The following CKAP2L variants were observed in gnomAD, a reference collection of about 807,000 sequenced individuals.
CKAP2L encodes cytoskeleton-associated protein 2-like.
In CKAP2L, 42 loss-of-function variants were observed where a neutral mutation model predicts 65.7. That is an observed-to-expected ratio of 0.64 (90% CI 0.50 to 0.83). CKAP2L has a LOEUF of 0.83. Among genes scored for constraint, CKAP2L ranks in the 40% least tolerant of loss-of-function variants. The probability of loss-of-function intolerance (pLI) is 0.00; values close to 1 mark genes in which losing one functional copy is unlikely to be tolerated. For missense variants in CKAP2L, 908 were observed against 871.0 expected, an observed-to-expected ratio of 1.04 and a Z score of -0.53; for synonymous variants, 325 against 313.5, an observed-to-expected ratio of 1.04 and a Z score of -0.39.
chr2:112,756,380 T>C lies in CKAP2L; in HGVS notation c.991A>G (p.Thr331Ala). The change falls in exon 4 of 9, where the codon ACC becomes GCC. Residue 331 changes from threonine (T) to alanine (A), a missense_variant. Transcript: ENST00000302450. ...YPVTEQRVKH[T>A]KPRTYPSLLQ... ...AAACTGGGGTATGTTCTGGGTTTGG[T>C]GTGCTTCACTCTCTGTTCAGTAACA... 1 of 1,613,994 alleles carries C rather than the reference T, an allele frequency of 6.2e-7. No individual in the cohort carries two copies. The highest frequency in any genetic ancestry group is 2.2e-5 in the East Asian group (1 of 44,890).
chr2:112,761,710 T>TG (rs1200682425), intron 2 of CKAP2L, among the ~76,000 whole-genome samples: 1 of 152,206 alleles, frequency 6.6e-6, no homozygotes, highest in East Asian at 1.9e-4. Context: ...GTTTGATGTT[T>TG]GTCTCTCCCA....
At chr2:112,750,304 C>A (rs180702706) in intron 5 of CKAP2L, among the ~76,000 whole-genome samples, 15 of 152,344 alleles carry the variant, frequency 9.8e-5, no homozygotes, top group African/African-American at 3.6e-4. Flanking sequence ...TGCACACAGG[C>A]TTACCGCGTG....
chr2:112,741,006 C>A lies in CKAP2L; in HGVS notation c.1824G>T (p.Gly608=). 6.2e-7 allele frequency: 1 copy of A among 1,601,742 alleles called. No homozygotes were observed. The highest frequency in any genetic ancestry group is 8.5e-7 in the Non-Finnish European group (1 of 1,169,778). ...CAGCAACTAAAGAGTCAGAAGTAAT[C>A]CCTGTGTATGTAAGATCATGAAGGA... is the stretch of plus-strand genomic sequence containing the variant. ...ILQDSNRTTE[G]ITSDSLVAET... The change falls in exon 8 of 9, where the codon GGG becomes GGT. Residue 608 remains glycine (G), a splice_region_variant and synonymous_variant. Coordinates refer to ENST00000302450, the MANE Select transcript of CKAP2L (RefSeq NM_152515.5).
intron 2 of CKAP2L, 63 bp from the exon 3 acceptor site, chr2:112,760,827 T>A (rs1322622305): frequency 1.2e-6 from 1 of 820,932 alleles, no homozygotes; most frequent in Non-Finnish European, 2.0e-6. Flanking sequence ...GCTTGGGAAG[T>A]ACAGTGATTA....
rs372791577 is a variant in CKAP2L at position 112,756,851 on chromosome 2, C to T, written c.520G>A (p.Glu174Lys). 7.5e-6 allele frequency: 12 copies of T among 1,602,910 alleles called. No individual in the cohort carries two copies. The highest frequency in any genetic ancestry group is 3.3e-4 in the Middle Eastern group (2 of 6,016). Residue 174 changes from glutamate (E) to lysine (K), a missense_variant, in exon 4 of 9, where the codon GAA (glutamate) becomes AAA (lysine). Physicochemically the swap from Glu to Lys is moderately conservative, Grantham distance 56. Transcript: ENST00000302450. ...TCTTTTAGAAAGTTATCCAAAGATTCGTTTTCAACATGGATATTATTCATA... is the reference window on the plus strand; with the variant it reads ...TCTTTTAGAAAGTTATCCAAAGATTTGTTTTCAACATGGATATTATTCATA... Reference protein sequence around the residue: ...DFMNNIHVENESLDNFLKETN... With the variant: ...DFMNNIHVENKSLDNFLKETN...
At chr2:112,745,112 C>A (rs1309691423) in intron 6 of CKAP2L, among the ~76,000 whole-genome samples, 1 of 152,038 alleles carries the variant, frequency 6.6e-6, no homozygotes. Flanking sequence ...GTGAAGACGG[C>A]AGTAAAAAGT....
intron 1 of CKAP2L, 25 bp from the exon 2 acceptor site, chr2:112,762,594 C>T (rs376256499): frequency 1.1e-5 from 18 of 1,588,184 alleles, no homozygotes; most frequent in East Asian, 2.2e-5. Flanking sequence ...AGCAAACAAA[C>T]GACATAACTT....
At chr2:112,744,912 T>C (rs1036268959) in intron 6 of CKAP2L, among the ~76,000 whole-genome samples, 4 of 151,640 alleles carry the variant, frequency 2.6e-5, no homozygotes, top group African/African-American at 4.9e-5. Flanking sequence ...TAAAGAATAA[T>C]AGAGAACAAA....
In CKAP2L at chr2:112,757,116, A is replaced by G. The variant is rs370922282; in HGVS notation, c.255T>C (p.Thr85=). Residue 85 remains threonine (T), a synonymous_variant, in exon 4 of 9, where the codon ACT becomes ACC. Transcript: ENST00000302450. The stretch of plus-strand genomic sequence containing the variant: ...CCAACTTCGGCTTCTGGGACCCTGC[A>G]GTATTAGGTGGTCTGGGCTGGAGTT... ...SIKLQPRPPN[T]AGSQKPKLEP... The G allele has an allele frequency of 9.4e-5, 151 of 1,614,034 alleles. No individual in the cohort carries two copies. The highest frequency in any genetic ancestry group is 1.3e-4 in the Non-Finnish European group (149 of 1,180,018).
At chr2:112,740,778 T>TCTAGTCC in intron 8 of CKAP2L, 40 bp downstream of exon 8, 1 of 1,513,840 alleles carries the variant, frequency 6.6e-7, no homozygotes, top group South Asian at 1.2e-5. Flanking sequence ...GGACTAGAAT[T>TCTAGTCC]AAGTCTGTGA....
At position 112,737,419 on chromosome 2, in the gene CKAP2L, T is replaced by A. The variant is rs957376016; in HGVS notation, c.*1404A>T. 1 of 152,244 alleles carries A rather than the reference T, an allele frequency of 6.6e-6. No individual in the cohort carries two copies. Among genetic ancestry groups the A allele is most frequent in the Admixed American group, 6.5e-5 (1 of 15,276 alleles). 9.4% of individuals were successfully genotyped at this position (152,244 alleles called of 1,614,324 possible). A position where few individuals can be genotyped will look rare whatever the true frequency, so the allele number is the denominator to read the frequency against. On this transcript the variant is annotated 3_prime_UTR_variant, in exon 9 of 9. Transcript: ENST00000302450. ...CATGTCTTGTTAATAGCCATTCTTA[T>A]AGATGTGAGGTGATAGCTCACAGTG...
In CKAP2L at chr2:112,737,891, T is replaced by C. The variant is rs1273902101; in HGVS notation, c.*932A>G. The stretch of plus-strand genomic sequence containing the variant: ...GCAGGAACTAATAGAAATTTAATGT[T>C]GTTTTAAGATAATACTTAAATATTA... On this transcript the variant is annotated 3_prime_UTR_variant, in exon 9 of 9. Transcript: ENST00000302450. 1 of 152,232 alleles carries C rather than the reference T, an allele frequency of 6.6e-6. No homozygotes were observed. The highest frequency in any genetic ancestry group is 1.5e-5 in the Non-Finnish European group (1 of 68,034). 9.4% of individuals were successfully genotyped at this position (152,232 alleles called of 1,614,324 possible). A position where few individuals can be genotyped will look rare whatever the true frequency, so the allele number is the denominator to read the frequency against.
In CKAP2L at chr2:112,760,726, G is replaced by T; in HGVS notation, c.143C>A (p.Pro48Gln). 6.7e-7 allele frequency: 1 copy of T among 1,494,656 alleles called. No individual in the cohort carries two copies. Among genetic ancestry groups the T allele is most frequent in the Non-Finnish European group, 9.2e-7 (1 of 1,085,696 alleles). The allele number at this position is 1,494,656 out of a possible 1,614,324, so 92.6% of individuals were successfully genotyped here. ...ATTTCTACTTACAGATTTAGAAGGT[G>T]GTTGATTCTGGCAATTATTCTTGGA... ...LKSKNNCQNQ[P>Q]PSKSTIRPKN... Residue 48 changes from proline (P) to glutamine (Q), a missense_variant, in exon 3 of 9, where the codon CCA becomes CAA. By Grantham distance (76) the Pro-to-Gln change is moderately conservative (BLOSUM62 -1). Transcript: ENST00000302450.
chr2:112,742,825 G>T (rs1680061021), intron 6 of CKAP2L, 56 bp from the exon 7 acceptor site: 30 of 1,265,590 alleles, frequency 2.4e-5, no homozygotes, highest in Non-Finnish European at 3.2e-5. Flanking sequence ...CAAAAAATTT[G>T]CTAAGGAACT....
In CKAP2L at chr2:112,738,431, T is replaced by A. The variant is rs561144935; in HGVS notation, c.*392A>T. The A allele has an allele frequency of 5.4e-6, 1 of 184,350 alleles. No homozygotes were observed. The highest frequency in any genetic ancestry group is 1.1e-5 in the Non-Finnish European group (1 of 88,006). 11.4% of individuals were successfully genotyped at this position (184,350 alleles called of 1,614,324 possible). A position where few individuals can be genotyped will look rare whatever the true frequency, so the allele number is the denominator to read the frequency against. On this transcript the variant is annotated 3_prime_UTR_variant, in exon 9 of 9. Coordinates refer to ENST00000302450, the MANE Select transcript of CKAP2L (RefSeq NM_152515.5). ...TGTCAAGCTAGCGTCAAAGTTCAGA[T>A]CTTCCACGATGAAAGAACTTGCCCT... is the stretch of plus-strand genomic sequence containing the variant.
At chr2:112,753,302 C>T (rs536491991) in intron 4 of CKAP2L, among the ~76,000 whole-genome samples, 2 of 152,234 alleles carry the variant, frequency 1.3e-5, no homozygotes, top group South Asian at 4.1e-4. Flanking sequence ...TATTGATTTT[C>T]ATCTCTGCAT....
intron 4 of CKAP2L, among the ~76,000 whole-genome samples, chr2:112,754,365 C>A (rs1052116773): frequency 6.6e-5 from 10 of 152,148 alleles, no homozygotes; most frequent in African/African-American, 1.9e-4. Flanking sequence ...CCAAATACTG[C>A]CCCCTCACCT....
rs1409609653 is a variant in CKAP2L at position 112,737,738 on chromosome 2, A to G, written c.*1085T>C. On this transcript the variant is annotated 3_prime_UTR_variant, in exon 9 of 9. Transcript: ENST00000302450. ...ATGAGGCTGATAGACCTTTGATCAA[A>G]GTCCATTCTCCTTGGTAATGAATGC... 6.6e-6 allele frequency: 1 copy of G among 152,182 alleles called. No homozygotes were observed. Among genetic ancestry groups the G allele is most frequent in the Non-Finnish European group, 1.5e-5 (1 of 68,020 alleles). The allele number at this position is 152,182 out of a possible 1,614,324, so 9.4% of individuals were successfully genotyped here.
At position 112,738,288 on chromosome 2, in the gene CKAP2L, T is replaced by C. The variant is rs905820140; in HGVS notation, c.*535A>G. ...TTCTCTCTCATTTACAAGGATACTG[T>C]GATGAAAGTCAAAGATCACACATAA... On this transcript the variant is annotated 3_prime_UTR_variant, in exon 9 of 9. Coordinates refer to ENST00000302450, the MANE Select transcript of CKAP2L (RefSeq NM_152515.5). 8 of 152,960 alleles carry C rather than the reference T, an allele frequency of 5.2e-5. No individual in the cohort carries two copies. The highest frequency in any genetic ancestry group is 1.9e-4 in the African/African-American group (8 of 41,466). 9.5% of individuals were successfully genotyped at this position (152,960 alleles called of 1,614,324 possible). A position where few individuals can be genotyped will look rare whatever the true frequency, so the allele number is the denominator to read the frequency against.
Sources: allele counts gnomAD v4.1 joint callset (sites outside exome capture counted in the v4.1 genomes callset), GRCh38; gene constraint gnomAD v4.1.1; transcripts MANE v1.5; gene names NCBI Gene and HGNC (gene_info 2026-07-23, HGNC 2026-07-21).